Variants in C10orf90 observed in about 807,000 individuals in gnomAD.
The protein encoded by C10orf90 is chromosome 10 open reading frame 90.
In C10orf90, 56 loss-of-function variants were observed where a neutral mutation model predicts 62.5. That is an observed-to-expected ratio of 0.90 (90% confidence interval 0.72 to 1.12). The LOEUF is 1.12. Among genes scored for constraint, C10orf90 ranks in the 50% most tolerant of loss-of-function variants. The probability of loss-of-function intolerance (pLI) is 0.00; values close to 1 mark genes in which losing one functional copy is unlikely to be tolerated. For synonymous variants in C10orf90, 386 were observed against 340.4 expected (o/e 1.13, Z -1.47); for missense variants, 970 against 880.4 (o/e 1.10, Z -1.29).
intron 1 of C10orf90, among the ~76,000 whole-genome samples, chr10:126,648,487 T>C (rs1846215413): frequency 6.6e-6 from 1 of 152,258 alleles, no homozygotes; most frequent in South Asian, 2.1e-4. Context: ...GTATCATTAT[T>C]TGGCTATTTG....
intron 3 of C10orf90, among the ~76,000 whole-genome samples, chr10:126,512,350 CTGTGTG>C (rs61310720): frequency 4.1e-5 from 6 of 146,298 alleles, no homozygotes; most frequent in African/African-American, 1.3e-4. Flanking sequence ...GTGTGTGTGT[CTGTGTG>C]TGTGTGTATG....
rs980710712 is a variant in C10orf90 at position 126,513,945 on chromosome 10, C to T, written c.314-6G>A. ...GTGGTAGCTGTCCCGTAATCCTAGG[C>T]AAAAGAAGATAATATTGCTACTTTT... is the stretch of plus-strand genomic sequence containing the variant. On this transcript the variant is annotated splice_region_variant and splice_polypyrimidine_tract_variant and intron_variant, in intron 2 of 9. Transcript: ENST00000488181. 8 of 1,594,730 alleles carry T rather than the reference C, an allele frequency of 5.0e-6. No homozygotes were observed. The highest frequency in any genetic ancestry group is 6.9e-6 in the Non-Finnish European group (8 of 1,165,460).
intron 4 of C10orf90, among the ~76,000 whole-genome samples, chr10:126,497,820 T>C (rs1018238698): frequency 3.9e-5 from 6 of 152,186 alleles, no homozygotes; most frequent in Non-Finnish European, 8.8e-5. Context: ...GGCATGGCTA[T>C]TTTCAATACA....
chr10:126,522,845 T>A (rs1453559380), intron 2 of C10orf90: 1 of 152,214 alleles, frequency 6.6e-6, no homozygotes, highest in Non-Finnish European at 1.5e-5. Context: ...AGGTTGACTC[T>A]TGGTGCCACC....
chr10:126,510,744 CT>C (rs1435995114), intron 3 of C10orf90, among the ~76,000 whole-genome samples: 1 of 152,218 alleles, frequency 6.6e-6, no homozygotes, highest in Non-Finnish European at 1.5e-5. Flanking sequence ...CTGGTAACTG[CT>C]TTCATAGTTT....
At chr10:126,521,082 C>T (rs1312427205) in intron 2 of C10orf90, among the ~76,000 whole-genome samples, 1 of 152,192 alleles carries the variant, frequency 6.6e-6, no homozygotes, top group Non-Finnish European at 1.5e-5. Flanking sequence ...GCGCCCCCAA[C>T]AGGCGCTACC....
At chr10:126,439,275 T>C (rs1324343345) in intron 7 of C10orf90, among the ~76,000 whole-genome samples, 1 of 152,078 alleles carries the variant, frequency 6.6e-6, no homozygotes, top group African/African-American at 2.4e-5. Context: ...ACTGCCACAC[T>C]CCACCCAATG....
intron 2 of C10orf90, among the ~76,000 whole-genome samples, chr10:126,565,106 A>ATAT (rs1844315451): frequency 7.0e-5 from 3 of 42,748 alleles, no homozygotes; most frequent in Admixed American, 4.7e-4. Context: ...ATAATATATA[A>ATAT]AATATATATT....
At chr10:126,448,027 T>A (rs1217304375) in intron 7 of C10orf90, among the ~76,000 whole-genome samples, 1 of 137,786 alleles carries the variant, frequency 7.3e-6, no homozygotes, top group African/African-American at 2.7e-5. Flanking sequence ...CTTTTTTTTT[T>A]TTTTTTTTTT....
intron 2 of C10orf90, among the ~76,000 whole-genome samples, chr10:126,571,525 G>C (rs1844505886): frequency 6.6e-6 from 1 of 152,220 alleles, no homozygotes; most frequent in South Asian, 2.1e-4. Context: ...AGGATGCAGA[G>C]GGAGGAGGCG....
At chr10:126,615,678 G>A (rs1264499026) in intron 2 of C10orf90, among the ~76,000 whole-genome samples, 1 of 151,998 alleles carries the variant, frequency 6.6e-6, no homozygotes, top group Non-Finnish European at 1.5e-5. Context: ...AGGCATTGTA[G>A]GGACCAAAAA....
intron 2 of C10orf90, among the ~76,000 whole-genome samples, chr10:126,567,900 G>T (rs1167290004): frequency 1.3e-5 from 2 of 152,092 alleles, no homozygotes; most frequent in Non-Finnish European, 2.9e-5. Flanking sequence ...GATGCGGCAG[G>T]TTTGTATGCT....
Position 126,504,990 on chromosome 10 carries a change from C to T in C10orf90, c.501G>A (p.Leu167=). The change falls in exon 4 of 10, where the codon TTG becomes TTA. Residue 167 remains leucine, a synonymous_variant. Coordinates refer to ENST00000488181, the MANE Select transcript of C10orf90 (RefSeq NM_001350921.2). The surrounding 1 kb of genome is among the most constrained non-coding windows in gnomAD (Gnocchi z 4.1). ...ACTGAGCAATGGCACACGGTAGGGG[C>T]AAGGAGGCCCTGTTTTCTCTTGACT... ...ENKSRENRAS[L]PLPCAIAQSR... is the part of the protein sequence containing the mutation. 1 of 1,614,230 alleles carries T rather than the reference C, an allele frequency of 6.2e-7. No homozygotes were observed. The highest frequency in any genetic ancestry group is 8.5e-7 in the Non-Finnish European group (1 of 1,180,038).
intron 2 of C10orf90, among the ~76,000 whole-genome samples, chr10:126,556,017 G>C (rs1331725879): frequency 1.3e-5 from 2 of 152,186 alleles, no homozygotes. Context: ...TGTGAAGTGA[G>C]TTGACCTCAC....
At chr10:126,562,397 G>T (rs1864923497) in intron 2 of C10orf90, among the ~76,000 whole-genome samples, 1 of 152,108 alleles carries the variant, frequency 6.6e-6, no homozygotes, top group Non-Finnish European at 1.5e-5. Flanking sequence ...AGACGAACCT[G>T]CTAACCACAC....
At position 126,504,156 on chromosome 10, in the gene C10orf90, T is replaced by C; in HGVS notation, c.1335A>G (p.Pro445=). 6.2e-7 allele frequency: 1 copy of C among 1,614,134 alleles called. No individual in the cohort carries two copies. Among genetic ancestry groups the C allele is most frequent in the Non-Finnish European group, 8.5e-7 (1 of 1,180,026 alleles). Residue 445 remains proline, a synonymous_variant, in exon 4 of 10, where the codon CCA becomes CCG. Transcript: ENST00000488181. The surrounding 1 kb of genome is among the most constrained non-coding windows in gnomAD (Gnocchi z 4.1). ...TCCCCAAATGCACCCGCCTCAACGA[T>C]GGGGTTTCCTTCAAGTGACTTTCTT... The part of the protein sequence containing the change: ...GLQESHLKET[P]SLRRVHLGTG...
At chr10:126,460,601 G>A (rs1467483654) in intron 6 of C10orf90, among the ~76,000 whole-genome samples, 1 of 152,212 alleles carries the variant, frequency 6.6e-6, no homozygotes, top group Admixed American at 6.5e-5. Flanking sequence ...TGCCTAAAGA[G>A]ATAACCCCTA....
intron 2 of C10orf90, among the ~76,000 whole-genome samples, chr10:126,556,148 T>G (rs1466685058): frequency 6.6e-6 from 1 of 152,196 alleles, no homozygotes; most frequent in Non-Finnish European, 1.5e-5. Flanking sequence ...TACACCAATG[T>G]GGGAACCAAA....
chr10:126,476,182 C>T (rs1860852576), intron 4 of C10orf90, among the ~76,000 whole-genome samples: 1 of 152,174 alleles, frequency 6.6e-6, no homozygotes, highest in Admixed American at 6.5e-5. Context: ...TGGAAAAGGC[C>T]CCGAGTTCCA....
Sources: allele counts gnomAD v4.1 joint callset (sites outside exome capture counted in the v4.1 genomes callset), GRCh38; gene constraint gnomAD v4.1.1; non-coding constraint Gnocchi (gnomAD v3.1); transcripts MANE v1.5; gene names NCBI Gene and HGNC (gene_info 2026-07-23, HGNC 2026-07-21).